TCERG1L: variants seen among roughly 807,000 people sequenced by gnomAD.
TCERG1L encodes the protein transcription elongation regulator 1-like protein.
Under a neutral mutation model 56.3 loss-of-function variants are expected in TCERG1L, and 37 were observed. The ratio of observed to expected loss-of-function variants is 0.66; its 90% CI spans 0.51 to 0.87. The LOEUF is 0.87. TCERG1L is among the 40% of genes least tolerant of loss of function. The probability of loss-of-function intolerance (pLI) is 0.00; values close to 1 mark genes in which losing one functional copy is unlikely to be tolerated. For missense variants in TCERG1L, 799 were observed against 774.2 expected, an observed-to-expected ratio of 1.03 and a Z score of -0.38; for synonymous variants, 324 against 326.3, an observed-to-expected ratio of 0.99 and a Z score of 0.08.
intron 3 of TCERG1L, among the ~76,000 whole-genome samples, chr10:131,277,095 G>A (rs868523707): frequency 2.0e-5 from 3 of 152,284 alleles, no homozygotes; most frequent in Middle Eastern, 3.4e-3. Context: ...ACAGAATCAA[G>A]GCATTGGTGG....
chr10:131,118,355 C>T lies in TCERG1L; in HGVS notation c.1260-1421G>A, dbSNP rs1369497153. On this transcript the variant is annotated intron_variant, in intron 8 of 11. Coordinates refer to ENST00000368642, the MANE Select transcript of TCERG1L (RefSeq NM_174937.4). This position sits in a 1 kb window ranked among gnomAD's most constrained non-coding sequence, Gnocchi z 4.2. ...GATCTGGATTGTGAGTTTCTCGAACCGTAGTCTGGGCTTTCTGATTTGGTC... is the reference window on the plus strand; with the variant it reads ...GATCTGGATTGTGAGTTTCTCGAACTGTAGTCTGGGCTTTCTGATTTGGTC... Among the ~76,000 whole-genome samples the T allele has an allele frequency of 3.9e-5, 6 of 152,250 alleles. No individual in the cohort carries two copies. Among genetic ancestry groups the T allele is most frequent in the South Asian group, 2.1e-4 (1 of 4,812 alleles).
At chr10:131,130,967 A>C (rs1845612408) in intron 8 of TCERG1L, among the ~76,000 whole-genome samples, 1 of 152,184 alleles carries the variant, frequency 6.6e-6, no homozygotes, top group Non-Finnish European at 1.5e-5. Context: ...ATATGAAAAG[A>C]GTACTGAAAA....
intron 4 of TCERG1L, among the ~76,000 whole-genome samples, chr10:131,178,184 C>A (rs1011214802): frequency 6.6e-6 from 1 of 152,160 alleles, no homozygotes; most frequent in Non-Finnish European, 1.5e-5. Flanking sequence ...TGAGCCTTTG[C>A]CCGGGGAGGT....
In TCERG1L at chr10:131,278,869, T is replaced by G. The variant is rs573422088; in HGVS notation, c.671-18425A>C. On this transcript the variant is annotated intron_variant, in intron 3 of 11. Transcript: ENST00000368642. ...TCTCCTGGGCTCATGGGGCCTCGGG[T>G]CCCCTGAAAGTCCTCCCTGATGACT... is the stretch of plus-strand genomic sequence containing the variant. Among the ~76,000 whole-genome samples, 7 of 152,036 alleles carry G rather than the reference T, an allele frequency of 4.6e-5. No individual in the cohort carries two copies. The South Asian group carries it at 1.5e-3, about 32-fold the overall frequency.
At chr10:131,238,555 C>T (rs1845938923) in intron 4 of TCERG1L, among the ~76,000 whole-genome samples, 3 of 152,280 alleles carry the variant, frequency 2.0e-5, no homozygotes, top group Admixed American at 1.3e-4. Context: ...CCCGAGGGAA[C>T]GGCTCCTGGA....
intron 3 of TCERG1L, among the ~76,000 whole-genome samples, chr10:131,302,991 T>G (rs1192602200): frequency 6.6e-6 from 1 of 151,998 alleles, no homozygotes; most frequent in Non-Finnish European, 1.5e-5. Context: ...TATTCCACGG[T>G]GTATATGTGC....
chr10:131,185,100 C>T (rs369931873), intron 4 of TCERG1L, among the ~76,000 whole-genome samples: 2 of 151,796 alleles, frequency 1.3e-5, no homozygotes, highest in East Asian at 1.9e-4. Context: ...TATCTCAAAA[C>T]ATAGAGACAT....
At chr10:131,289,143 GA>G (rs1589773693) in intron 3 of TCERG1L, among the ~76,000 whole-genome samples, 2 of 106,094 alleles carry the variant, frequency 1.9e-5, no homozygotes, top group Admixed American at 1.9e-4. Context: ...TAAAAGTCTT[GA>G]TTTTTTTTTT....
At chr10:131,268,097 C>T (rs565455600) in intron 3 of TCERG1L, among the ~76,000 whole-genome samples, 1 of 152,104 alleles carries the variant, frequency 6.6e-6, no homozygotes, top group African/African-American at 2.4e-5. Flanking sequence ...CACGGGAATG[C>T]CCTGCTCCAT....
At chr10:131,200,569 G>C (rs760566156) in intron 4 of TCERG1L, among the ~76,000 whole-genome samples, 1 of 152,146 alleles carries the variant, frequency 6.6e-6, no homozygotes, top group Non-Finnish European at 1.5e-5. Flanking sequence ...TTTTGGAATC[G>C]GATGACTTGC....
intron 4 of TCERG1L, among the ~76,000 whole-genome samples, chr10:131,200,558 A>G (rs1365613446): frequency 1.3e-5 from 2 of 152,114 alleles, no homozygotes; most frequent in African/African-American, 4.8e-5. Flanking sequence ...CCACCATTGT[A>G]TTTTGGAATC....
rs537534190 is a variant in TCERG1L, at chr10:131,260,725, C to T, written c.671-281G>A. ...AGTCACCAGGGGACGAGCCAGGACC[C>T]GGGTGCCTTAAAGAGAAACTGCTTG... On this transcript the variant is annotated intron_variant, in intron 3 of 11. Transcript: ENST00000368642. The surrounding 1 kb of genome is among the most constrained non-coding windows in gnomAD (Gnocchi z 5.8). Among the ~76,000 whole-genome samples, 2 of 152,260 alleles carry T rather than the reference C, an allele frequency of 1.3e-5. No individual in the cohort carries two copies. The highest frequency in any genetic ancestry group is 2.1e-4 in the South Asian group (1 of 4,816).
chr10:131,285,215 T>TA (rs1302112813), intron 3 of TCERG1L, among the ~76,000 whole-genome samples: 2 of 151,832 alleles, frequency 1.3e-5, no homozygotes, highest in Admixed American at 1.3e-4. Context: ...CTGTCTCTAC[T>TA]AAAAATACAA....
intron 7 of TCERG1L, among the ~76,000 whole-genome samples, chr10:131,145,545 T>C (rs968861406): frequency 1.3e-5 from 2 of 152,348 alleles, no homozygotes; most frequent in African/African-American, 4.8e-5. Flanking sequence ...TACCACCATG[T>C]CTCTTAGCAT....
At chr10:131,256,287 G>A (rs1054724985) in intron 4 of TCERG1L, among the ~76,000 whole-genome samples, 2 of 152,278 alleles carry the variant, frequency 1.3e-5, no homozygotes, top group African/African-American at 4.8e-5. Context: ...GAAAGGCTGC[G>A]TGGTAGAATT....
chr10:131,176,611 CGTGCACACACCATGACAT>C (rs1846154080), intron 4 of TCERG1L, among the ~76,000 whole-genome samples: 1 of 151,558 alleles, frequency 6.6e-6, no homozygotes, highest in African/African-American at 2.4e-5. Context: ...CACAGAGACA[CGTGCACACACCATGACAT>C]GTGCACATAC....
At chr10:131,150,152 C>T (rs1224633062) in intron 6 of TCERG1L, among the ~76,000 whole-genome samples, 1 of 152,256 alleles carries the variant, frequency 6.6e-6, no homozygotes, top group African/African-American at 2.4e-5. Context: ...AGCCTGACCT[C>T]ACCTGGAGAG....
intron 4 of TCERG1L, among the ~76,000 whole-genome samples, chr10:131,169,304 T>TAA (rs56222827): frequency 6.6e-6 from 1 of 151,420 alleles, no homozygotes; most frequent in Admixed American, 6.6e-5. Flanking sequence ...GAACCCTCAT[T>TAA]AAAAAACCCA....
chr10:131,117,747 G>C (rs1363529695), intron 8 of TCERG1L, among the ~76,000 whole-genome samples: 1 of 152,240 alleles, frequency 6.6e-6, no homozygotes, highest in Non-Finnish European at 1.5e-5. Flanking sequence ...AGAAATGCTA[G>C]AGGCCTGCCT....
Sources: gnomAD v4.1 joint callset for allele counts (sites outside exome capture counted in the v4.1 genomes callset) on GRCh38, gnomAD v4.1.1 for gene constraint, Gnocchi (gnomAD v3.1) non-coding constraint, MANE v1.5 for transcripts, NCBI Gene and HGNC (gene_info 2026-07-23, HGNC 2026-07-21) for gene names.